Variants in FAM169A observed in about 807,000 individuals in gnomAD.
The protein encoded by FAM169A is family with sequence similarity 169 member A.
Under a neutral mutation model 75.7 loss-of-function variants are expected in FAM169A, and 24 were observed. The ratio of observed to expected loss-of-function variants is 0.32; its 90% CI spans 0.23 to 0.45. The LOEUF is 0.45. Ranked by LOEUF, FAM169A falls within the 20% of genes least tolerant of loss-of-function variation. FAM169A has a pLI of 1.00. For synonymous variants in FAM169A, 271 were observed against 271.0 expected, an observed-to-expected ratio of 1.00 and a Z score of 0.00; for missense variants, 673 against 784.0, an observed-to-expected ratio of 0.86 and a Z score of 1.69.
At chr5:74,828,785 G>A (rs1008517941) in intron 5 of FAM169A, among the ~76,000 whole-genome samples, 2 of 152,180 alleles carry the variant, frequency 1.3e-5, no homozygotes, top group African/African-American at 4.8e-5. Context: ...ACTTCGTCAT[G>A]TGGGATTTAT....
At chr5:74,798,617 A>T (rs1011657846) in intron 10 of FAM169A, among the ~76,000 whole-genome samples, 33 of 152,330 alleles carry the variant, frequency 2.2e-4, no homozygotes, top group African/African-American at 7.9e-4. Flanking sequence ...TGACAGTTAA[A>T]ATGGCAAAGT....
intron 4 of FAM169A, among the ~76,000 whole-genome samples, chr5:74,835,177 A>G (rs986866039): frequency 2.6e-5 from 4 of 152,084 alleles, no homozygotes; most frequent in Non-Finnish European, 5.9e-5. Flanking sequence ...GGGGATACCA[A>G]AGAAGTCTAA....
rs1056539907 is a variant in FAM169A at position 74,780,925 on chromosome 5, A to G, written c.*535T>C. On this transcript the variant is annotated 3_prime_UTR_variant, in exon 13 of 13. Coordinates refer to ENST00000687041, the MANE Select transcript of FAM169A (RefSeq NM_001376049.1). ...ACCAAAATATCTTCATGAACCTTTGACCGTAAGTTTCTGTTTTTGTGCTCT... is the reference window on the plus strand; with the variant it reads ...ACCAAAATATCTTCATGAACCTTTGGCCGTAAGTTTCTGTTTTTGTGCTCT... 4 of 152,332 alleles carry G rather than the reference A, an allele frequency of 2.6e-5. No individual in the cohort carries two copies. The highest frequency in any genetic ancestry group is 4.4e-5 in the Non-Finnish European group (3 of 68,158). The allele number at this position is 152,332 out of a possible 1,614,324, so 9.4% of individuals were successfully genotyped here.
chr5:74,791,014 A>G (rs920906313), intron 11 of FAM169A, among the ~76,000 whole-genome samples: 1 of 152,198 alleles, frequency 6.6e-6, no homozygotes, highest in African/African-American at 2.4e-5. Context: ...CTTATCCATC[A>G]TCATGCTACT....
In FAM169A at chr5:74,854,856, G is replaced by A. The variant is rs529380113; in HGVS notation, c.-4+11309C>T. 1.4e-4 allele frequency among the ~76,000 whole-genome samples: 21 copies of A among 152,134 alleles called. No homozygotes were observed. The South Asian group carries it at 3.3e-3, about 24-fold the overall frequency. On this transcript the variant is annotated intron_variant, in intron 1 of 12. Transcript: ENST00000687041. The stretch of plus-strand genomic sequence containing the variant: ...CCATATTTTCTTTATCCATTCATTC[G>A]ATGATTGACACTCACGTTGCTTTCA...
At position 74,866,370 on chromosome 5, in the gene FAM169A, C is replaced by T. The variant is rs1223825572; in HGVS notation, c.-209G>A. 2 of 984,438 alleles carry T rather than the reference C, an allele frequency of 2.0e-6. No individual in the cohort carries two copies. Among genetic ancestry groups the T allele is most frequent in the Non-Finnish European group, 2.4e-6 (2 of 829,588 alleles). 61.0% of individuals were successfully genotyped at this position (984,438 alleles called of 1,614,324 possible). A position where few individuals can be genotyped will look rare whatever the true frequency, so the allele number is the denominator to read the frequency against. On this transcript the variant is annotated 5_prime_UTR_variant, in exon 1 of 13. Coordinates refer to ENST00000687041, the MANE Select transcript of FAM169A (RefSeq NM_001376049.1). ...GGTCGGCCGCGGCCCACCGTGCCCT[C>T]CGACGACGTGACGCACTAGCGCCGC...
At chr5:74,801,468 A>T (rs1746572809) in intron 9 of FAM169A, 122 bp downstream of exon 9, 5 of 793,370 alleles carry the variant, frequency 6.3e-6, no homozygotes, top group African/African-American at 5.1e-5. Flanking sequence ...TAGATTTTAG[A>T]GCTGGTTAAG....
chr5:74,831,520 C>A (rs749938980), intron 5 of FAM169A, among the ~76,000 whole-genome samples: 1 of 152,090 alleles, frequency 6.6e-6, no homozygotes, highest in African/African-American at 2.4e-5. Flanking sequence ...GACTGGATTT[C>A]AGATTTTGGG....
chr5:74,857,674 T>A (rs1289670425), intron 1 of FAM169A, among the ~76,000 whole-genome samples: 1 of 144,044 alleles, frequency 6.9e-6, no homozygotes, highest in Non-Finnish European at 1.5e-5. Context: ...ATTCTGTATA[T>A]CTTTAAAGGG....
At chr5:74,795,893 A>T in intron 11 of FAM169A, 137 bp downstream of exon 11, 1 of 762,194 alleles carries the variant, frequency 1.3e-6, no homozygotes, top group Non-Finnish European at 2.0e-6. Flanking sequence ...GACCTTGCTT[A>T]ATATATATGA....
chr5:74,854,780 T>C (rs1465433256), intron 1 of FAM169A, among the ~76,000 whole-genome samples: 1 of 152,230 alleles, frequency 6.6e-6, no homozygotes, highest in Non-Finnish European at 1.5e-5. Context: ...TTGCAAATAA[T>C]AGGATCTCAT....
intron 5 of FAM169A, among the ~76,000 whole-genome samples, chr5:74,829,583 A>G (rs1748205061): frequency 6.6e-6 from 1 of 151,774 alleles, no homozygotes; most frequent in Non-Finnish European, 1.5e-5. Context: ...AATTGAGCCT[A>G]GGAGGTTGAG....
At position 74,841,558 on chromosome 5, in the gene FAM169A, A is replaced by T; in HGVS notation, c.119T>A (p.Leu40His). ...AGAACACCTTACCGTAATATTGAGA[A>T]GAGAAAAACACTCTGGATTTTCAGG... ...GDPENPECFS[L>H]LNITIPISLS... Residue 40 changes from leucine (L) to histidine (H), a missense_variant, in exon 2 of 13, where the codon CTT (leucine) becomes CAT (histidine). Transcript: ENST00000687041. 6.2e-7 allele frequency: 1 copy of T among 1,612,658 alleles called. No individual in the cohort carries two copies. The highest frequency in any genetic ancestry group is 1.3e-5 in the African/African-American group (1 of 75,028).
At chr5:74,827,384 A>AT (rs1261742118) in intron 5 of FAM169A, among the ~76,000 whole-genome samples, 2 of 152,002 alleles carry the variant, frequency 1.3e-5, no homozygotes, top group Non-Finnish European at 2.9e-5. Flanking sequence ...TATTTCTATG[A>AT]TATTTATTCC....
chr5:74,789,054 C>T lies in FAM169A; in HGVS notation c.1261-5920G>A, dbSNP rs146446395. 4.1e-3 allele frequency among the ~76,000 whole-genome samples: 621 copies of T among 152,332 alleles called. 9 individuals carry two copies. Among genetic ancestry groups the T allele is most frequent in the African/African-American group, 0.014 (581 of 41,564 alleles). ...AGGCCCACCAGAAGCAATTTGCGTT[C>T]GGCTGGCAAGGCCAGCAACACACCT... On this transcript the variant is annotated intron_variant, in intron 11 of 12. Coordinates refer to ENST00000687041, the MANE Select transcript of FAM169A (RefSeq NM_001376049.1).
chr5:74,808,707 T>C (rs758032352), intron 6 of FAM169A, among the ~76,000 whole-genome samples: 5 of 152,118 alleles, frequency 3.3e-5, no homozygotes, highest in Admixed American at 2.6e-4. Context: ...GACATAAATA[T>C]GAAACCATAA....
intron 5 of FAM169A, among the ~76,000 whole-genome samples, chr5:74,814,584 T>C (rs6882499): frequency 0.23 from 35,215 of 152,074 alleles, 4,303 homozygotes; most frequent in Middle Eastern, 0.3. Context: ...TTGGGGCGAA[T>C]TGGAAACATC....
intron 1 of FAM169A, among the ~76,000 whole-genome samples, chr5:74,843,443 T>C (rs565309306): frequency 6.6e-6 from 1 of 152,298 alleles, no homozygotes; most frequent in East Asian, 1.9e-4. Flanking sequence ...AAACATCTTA[T>C]AAAACTTCTA....
At chr5:74,784,918 CAAAAAAAAA>C (rs869156232) in intron 11 of FAM169A, among the ~76,000 whole-genome samples, 1 of 61,814 alleles carries the variant, frequency 1.6e-5, no homozygotes, top group East Asian at 5.6e-4. Context: ...GACTCCGTCT[CAAAAAAAAA>C]AAAAAAAAAA....
Sources: gnomAD v4.1 joint callset for allele counts (sites outside exome capture counted in the v4.1 genomes callset) on GRCh38, gnomAD v4.1.1 for gene constraint, MANE v1.5 for transcripts, NCBI Gene and HGNC (gene_info 2026-07-23, HGNC 2026-07-21) for gene names.